The following SETBP1 variants were observed in gnomAD, a reference collection of about 807,000 sequenced individuals.
SETBP1 encodes SET-binding protein.
Under a neutral mutation model 101.0 loss-of-function variants are expected in SETBP1, and 9 were observed. The observed-to-expected ratio is 0.09, with a 90% CI of 0.05 to 0.16. SETBP1 has a LOEUF of 0.16. Ranked by LOEUF, SETBP1 falls within the 10% of genes least tolerant of loss-of-function variation. The pLI is 1.00. For synonymous variants in SETBP1, 818 were observed against 788.5 expected (o/e 1.04, Z -0.63); for missense variants, 1,858 against 2,033.8 (o/e 0.91, Z 1.66).
At chr18:45,022,121 G>A (rs961129767) in intron 4 of SETBP1, among the ~76,000 whole-genome samples, 3 of 152,144 alleles carry the variant, frequency 2.0e-5, no homozygotes, top group African/African-American at 7.2e-5. Context: ...GACACATAGA[G>A]AACAAACCAC....
intron 2 of SETBP1, among the ~76,000 whole-genome samples, chr18:44,855,153 T>A (rs1330496169): frequency 1.3e-5 from 2 of 152,236 alleles, no homozygotes; most frequent in Admixed American, 1.3e-4. Flanking sequence ...TTCTGCTTTA[T>A]TTCTCTCTTC....
intron 2 of SETBP1, among the ~76,000 whole-genome samples, chr18:44,800,844 G>C (rs144187337): frequency 6.6e-6 from 1 of 152,096 alleles, no homozygotes; most frequent in African/African-American, 2.4e-5. Flanking sequence ...TGTTTATTGC[G>C]GCACTATTCG....
At chr18:44,791,045 G>A (rs144072065) in intron 2 of SETBP1, among the ~76,000 whole-genome samples, 104 of 152,326 alleles carry the variant, frequency 6.8e-4, no homozygotes, top group African/African-American at 2.5e-3. Flanking sequence ...GAGTCTGCCT[G>A]CCTGGAGTTT....
At chr18:45,010,595 G>A (rs967453443) in intron 4 of SETBP1, among the ~76,000 whole-genome samples, 1 of 152,196 alleles carries the variant, frequency 6.6e-6, no homozygotes, top group East Asian at 1.9e-4. Context: ...GAGGCAGCAC[G>A]TATCTTTGAT....
intron 5 of SETBP1, among the ~76,000 whole-genome samples, chr18:45,039,901 A>G (rs1213947633): frequency 6.6e-6 from 1 of 152,196 alleles, no homozygotes; most frequent in East Asian, 1.9e-4. Flanking sequence ...TCAGCAAAAT[A>G]CTAGTAGGTT....
chr18:44,734,738 T>C (rs1317869276), intron 2 of SETBP1, among the ~76,000 whole-genome samples: 1 of 152,208 alleles, frequency 6.6e-6, no homozygotes, highest in Non-Finnish European at 1.5e-5. Flanking sequence ...GCAGTAACAG[T>C]CATTTCCTGG....
chr18:44,712,825 G>A (rs1279044361), intron 2 of SETBP1, among the ~76,000 whole-genome samples: 1 of 152,092 alleles, frequency 6.6e-6, no homozygotes, highest in Non-Finnish European at 1.5e-5. Flanking sequence ...CATTAGGCAG[G>A]AGAAGGCTGA....
intron 3 of SETBP1, among the ~76,000 whole-genome samples, chr18:44,911,247 C>T (rs1443105315): frequency 6.6e-6 from 1 of 152,166 alleles, no homozygotes; most frequent in Non-Finnish European, 1.5e-5. Flanking sequence ...TGAAATACTA[C>T]TAGCTCCATA....
At chr18:44,877,709 T>C (rs2069440731) in intron 3 of SETBP1, among the ~76,000 whole-genome samples, 1 of 152,176 alleles carries the variant, frequency 6.6e-6, no homozygotes. Context: ...AAATCAACAG[T>C]TTCCTCCCAC....
At chr18:45,033,217 AAT>A (rs2145474021) in intron 4 of SETBP1, among the ~76,000 whole-genome samples, 1 of 152,332 alleles carries the variant, frequency 6.6e-6, no homozygotes, top group African/African-American at 2.4e-5. Flanking sequence ...CCTTGTGAAA[AAT>A]ATGTCATTTA....
chr18:44,731,678 C>T (rs1311108094), intron 2 of SETBP1, among the ~76,000 whole-genome samples: 1 of 151,878 alleles, frequency 6.6e-6, no homozygotes, highest in Non-Finnish European at 1.5e-5. Context: ...ACACACATAT[C>T]CTTATATGCT....
At chr18:44,990,927 GAAAAAAAAAAA>G (rs996043221) in intron 4 of SETBP1, among the ~76,000 whole-genome samples, 3 of 63,190 alleles carry the variant, frequency 4.7e-5, no homozygotes, top group Non-Finnish European at 9.9e-5. Flanking sequence ...CAGAGAGAGA[GAAAAAAAAAAA>G]AAAAAAAAAG....
chr18:44,876,182 G>A (rs757883608), intron 3 of SETBP1, among the ~76,000 whole-genome samples: 1 of 152,164 alleles, frequency 6.6e-6, no homozygotes, highest in Non-Finnish European at 1.5e-5. Flanking sequence ...CACAGAGGAG[G>A]AAACTGATAT....
intron 4 of SETBP1, among the ~76,000 whole-genome samples, chr18:44,971,104 C>A: frequency 6.6e-6 from 1 of 151,912 alleles, no homozygotes; most frequent in African/African-American, 2.4e-5. Context: ...CAATTCCCAC[C>A]TATGAGTGAG....
rs772971136 is a variant in SETBP1 at position 44,952,548 on chromosome 18, C to G, written c.3208C>G (p.Pro1070Ala). 6.2e-7 allele frequency: 1 copy of G among 1,614,082 alleles called. No homozygotes were observed. Among genetic ancestry groups the G allele is most frequent in the Admixed American group, 1.7e-5 (1 of 60,014 alleles). Residue 1070 changes from proline (P) to alanine (A), a missense_variant, in exon 4 of 6, where the codon CCA becomes GCA. Coordinates refer to ENST00000649279, the MANE Select transcript of SETBP1 (RefSeq NM_015559.3). ...GAACCTTGGTTATTACGGTCAGTAC[C>G]CAGCTCCTTTGTACCTATCGCACAC... ...MMNLGYYGQYPAPLYLSHTLG... is the reference protein window; with the variant it reads ...MMNLGYYGQYAAPLYLSHTLG...
intron 4 of SETBP1, among the ~76,000 whole-genome samples, chr18:44,994,664 T>C (rs963199527): frequency 1.3e-5 from 2 of 152,176 alleles, no homozygotes; most frequent in African/African-American, 4.8e-5. Context: ...ATAATGTAGA[T>C]ATGTACATGG....
intron 2 of SETBP1, among the ~76,000 whole-genome samples, chr18:44,839,333 C>T (rs551736841): frequency 8.5e-5 from 13 of 152,274 alleles, no homozygotes; most frequent in Admixed American, 2.6e-4. Flanking sequence ...TCCGTCACCC[C>T]GGGGGATGGG....
At chr18:44,913,322 G>A (rs1015287149) in intron 3 of SETBP1, among the ~76,000 whole-genome samples, 2 of 152,210 alleles carry the variant, frequency 1.3e-5, no homozygotes, top group African/African-American at 4.8e-5. Context: ...TACATCACCA[G>A]GGACTGAGTC....
In SETBP1 at chr18:44,701,500, G is replaced by C. The variant is rs751299712; in HGVS notation, c.154G>C (p.Gly52Arg). The C allele has an allele frequency of 6.2e-7, 1 of 1,613,892 alleles. No homozygotes were observed. Among genetic ancestry groups the C allele is most frequent in the African/African-American group, 1.3e-5 (1 of 74,926 alleles). Residue 52 changes from glycine to arginine, a missense_variant, in exon 2 of 6, where the codon GGA becomes CGA. Transcript: ENST00000649279. ...PGPGKGIPVG[G>R]ERMEPEEEDE... ...ACCTGGGAAGGGGATCCCGGTGGGC[G>C]GAGAGCGCATGGAGCCAGAGGAGGA... is the stretch of plus-strand genomic sequence containing the variant.
Sources: allele counts gnomAD v4.1 joint callset (sites outside exome capture counted in the v4.1 genomes callset), GRCh38; gene constraint gnomAD v4.1.1; transcripts MANE v1.5; gene names NCBI Gene and HGNC (gene_info 2026-07-23, HGNC 2026-07-21).